Variants in BCAS1 observed in about 807,000 individuals in gnomAD.
BCAS1 encodes the protein breast carcinoma-amplified sequence 1.
In BCAS1, 46 loss-of-function variants were observed where a neutral mutation model predicts 65.4. The ratio of observed to expected loss-of-function variants is 0.70; its 90% CI spans 0.55 to 0.90. The LOEUF (loss-of-function observed/expected upper bound fraction) is 0.90. Ranked by LOEUF, BCAS1 falls within the 40% of genes least tolerant of loss-of-function variation. The pLI, the probability that BCAS1 is intolerant of heterozygous loss-of-function variation, is 0.00. For missense variants in BCAS1, 793 were observed against 771.2 expected, an observed-to-expected ratio of 1.03 and a Z score of -0.33; for synonymous variants, 298 against 293.5, an observed-to-expected ratio of 1.02 and a Z score of -0.16.
At chr20:54,042,866 G>T (rs1309513020) in intron 3 of BCAS1, among the ~76,000 whole-genome samples, 2 of 152,270 alleles carry the variant, frequency 1.3e-5, no homozygotes, top group Non-Finnish European at 1.5e-5. Flanking sequence ...TGGCCCAGCA[G>T]CGAGGCAGGT....
rs533929325 is a variant in BCAS1 at position 53,953,436 on chromosome 20, C to A, written c.1811G>T (p.Gly604Val). Residue 604 changes from glycine (G) to valine (V), a missense_variant, in exon 12 of 13, where the codon GGC becomes GTC. By Grantham distance (109) the Gly-to-Val change is moderately radical (BLOSUM62 -3). Transcript: ENST00000688948. ...AGGCAAAAAAAATCCACCTACCAGGCCTTTAAAGAAGCCCCCAAGGGACTG... is the reference window on the plus strand; with the variant it reads ...AGGCAAAAAAAATCCACCTACCAGGACTTTAAAGAAGCCCCCAAGGGACTG... ...RQQSLGGFFKGLGPKRMLDAQ... is the reference protein window; with the variant it reads ...RQQSLGGFFKVLGPKRMLDAQ... 1.9e-6 allele frequency: 3 copies of A among 1,613,872 alleles called. No homozygotes were observed. In the South Asian group the frequency reaches 3.3e-5, roughly 18 times the overall value.
intron 4 of BCAS1, among the ~76,000 whole-genome samples, chr20:54,006,510 G>A (rs960121698): frequency 6.6e-6 from 1 of 152,132 alleles, no homozygotes; most frequent in Non-Finnish European, 1.5e-5. Flanking sequence ...AGGTGTTCAA[G>A]ACCAGCCTGG....
At chr20:53,965,256 C>T (rs2038115173) in intron 10 of BCAS1, among the ~76,000 whole-genome samples, 1 of 152,140 alleles carries the variant, frequency 6.6e-6, no homozygotes, top group African/African-American at 2.4e-5. Flanking sequence ...TCTAATATGC[C>T]TCAGTTCCCA....
At chr20:53,957,875 G>A (rs1413485782) in intron 10 of BCAS1, among the ~76,000 whole-genome samples, 2 of 144,466 alleles carry the variant, frequency 1.4e-5, no homozygotes, top group African/African-American at 5.2e-5. Context: ...GGCTGTGGGT[G>A]TTTTATTGTT....
intron 3 of BCAS1, among the ~76,000 whole-genome samples, chr20:54,042,016 T>A (rs2088406269): frequency 6.6e-6 from 1 of 151,606 alleles, no homozygotes; most frequent in African/African-American, 2.4e-5. Flanking sequence ...ATACTTAAAA[T>A]TTCACAAACA....
rs1468581618 is a variant in BCAS1 at position 53,985,387 on chromosome 20, C to G, written c.1175G>C (p.Gly392Ala). The change falls in exon 8 of 13, where the codon GGG becomes GCG. Residue 392 changes from glycine (G) to alanine (A), a missense_variant. Gly to Ala is a moderately conservative substitution (Grantham distance 60, BLOSUM62 0). Transcript: ENST00000688948. ...GKNSKGCNPSGHTQSVTTPEP... is the reference protein window; with the variant it reads ...GKNSKGCNPSAHTQSVTTPEP... The stretch of plus-strand genomic sequence containing the variant: ...AGGGGTTGTCACGGACTGTGTGTGC[C>G]CCGATGGGTTGCATCCTTTGGAATT... The G allele has an allele frequency of 1.2e-6, 2 of 1,614,022 alleles. No individual in the cohort carries two copies. The highest frequency in any genetic ancestry group is 1.7e-6 in the Non-Finnish European group (2 of 1,179,968).
At chr20:53,975,561 C>T in intron 8 of BCAS1, 131 bp from the exon 9 acceptor site, 1 of 491,758 alleles carries the variant, frequency 2.0e-6, no homozygotes, top group Non-Finnish European at 3.7e-6. Flanking sequence ...CTAGGTACAC[C>T]TCCTTCTAAA....
At chr20:53,997,787 T>G (rs906028737) in intron 4 of BCAS1, among the ~76,000 whole-genome samples, 3 of 152,066 alleles carry the variant, frequency 2.0e-5, no homozygotes, top group Non-Finnish European at 2.9e-5. Flanking sequence ...GGCAGGTTGG[T>G]GCATGTGGTT....
chr20:54,044,567 G>A (rs558347198), intron 3 of BCAS1, among the ~76,000 whole-genome samples: 2 of 152,170 alleles, frequency 1.3e-5, no homozygotes, highest in Non-Finnish European at 2.9e-5. Context: ...GCCGGGCGCG[G>A]TGGCTCATGC....
At chr20:53,945,390 T>C in intron 12 of BCAS1, among the ~76,000 whole-genome samples, 1 of 141,622 alleles carries the variant, frequency 7.1e-6, no homozygotes, top group East Asian at 2.1e-4. Flanking sequence ...TTCACCACCC[T>C]GTTTTATTTT....
intron 3 of BCAS1, among the ~76,000 whole-genome samples, chr20:54,055,450 G>T (rs188622027): frequency 1.2e-3 from 177 of 152,108 alleles, no homozygotes; most frequent in Admixed American, 2.2e-3. Context: ...GGAAACCTCC[G>T]ATAAAACCAT....
chr20:53,987,416 T>C (rs119071), intron 7 of BCAS1, among the ~76,000 whole-genome samples: 111,218 of 152,210 alleles, frequency 0.73, 41,015 homozygotes, highest in East Asian at 0.94. Flanking sequence ...CGCTCTTGAG[T>C]ACCTGGTGCT....
chr20:54,028,920 CT>C lies in BCAS1; in HGVS notation c.194del (p.Glu65GlyfsTer5). 1 of 1,614,004 alleles carries C rather than the reference CT, an allele frequency of 6.2e-7. No homozygotes were observed. Among genetic ancestry groups the C allele is most frequent in the South Asian group, 1.1e-5 (1 of 91,078 alleles). ...CCGCAACAGCACTTATCTCCGTTGT[CT>C]CGGGGGAAGAAGTGGCCACATTATC... Reference protein sequence around the residue: ...KTDNVATSSPETTEISAVADA... With the variant: ...KTDNVATSSPXTTEISAVADA... On this transcript the variant is annotated frameshift_variant, in exon 4 of 13. Coordinates refer to ENST00000688948, the MANE Select transcript of BCAS1 (RefSeq NM_001366298.2). LOFTEE classifies it high-confidence loss of function.
intron 4 of BCAS1, among the ~76,000 whole-genome samples, chr20:54,010,458 C>A (rs1435840276): frequency 6.6e-6 from 1 of 151,996 alleles, no homozygotes; most frequent in Non-Finnish European, 1.5e-5. Flanking sequence ...AGGAATGAAC[C>A]CATGGGCACT....
intron 12 of BCAS1, among the ~76,000 whole-genome samples, chr20:53,951,616 T>C (rs2089528152): frequency 1.3e-5 from 2 of 152,236 alleles, no homozygotes; most frequent in Non-Finnish European, 2.9e-5. Context: ...GCATCCCAAG[T>C]TGGACCCCAA....
At chr20:54,018,654 T>A (rs2091493062) in intron 4 of BCAS1, among the ~76,000 whole-genome samples, 1 of 151,798 alleles carries the variant, frequency 6.6e-6, no homozygotes, top group South Asian at 2.1e-4. Context: ...CTTTTATATA[T>A]TGCTTAACAC....
rs2089262617 is a variant in BCAS1, at chr20:53,944,972, G to C, written c.1840C>G (p.Gln614Glu). 6.2e-7 allele frequency: 1 copy of C among 1,614,118 alleles called. No homozygotes were observed. ...ATGGATACTGGGTCTGTTTGCACTT[G>C]AGCATCCAACATCCGCTTTGGTCCC... is the stretch of plus-strand genomic sequence containing the variant. ...GLGPKRMLDA[Q>E]VQTDPVSIGP... The change falls in exon 13 of 13, where the codon CAA (glutamine) becomes GAA (glutamate). Residue 614 changes from glutamine to glutamate, a missense_variant. Transcript: ENST00000688948.
intron 4 of BCAS1, among the ~76,000 whole-genome samples, chr20:54,002,827 T>C (rs2091090690): frequency 6.6e-6 from 1 of 152,194 alleles, no homozygotes; most frequent in African/African-American, 2.4e-5. Context: ...AAACAAGAAT[T>C]GAAGCTCATT....
At position 54,028,401 on chromosome 20, in the gene BCAS1, A is replaced by T. The variant is rs2091723642; in HGVS notation, c.714T>A (p.Pro238=). The part of the protein sequence containing the change: ...PGLSGQSDDV[P]AGKDIVDGKE... The stretch of plus-strand genomic sequence containing the variant: ...ACCTTGGCACACTTACCTTCCCTGC[A>T]GGGACATCATCGGACTGCCCTGATA... Residue 238 remains proline (P), a synonymous_variant, in exon 4 of 13, where the codon CCT becomes CCA. Transcript: ENST00000688948. 1 of 1,614,106 alleles carries T rather than the reference A, an allele frequency of 6.2e-7. No individual in the cohort carries two copies. The highest frequency in any genetic ancestry group is 8.5e-7 in the Non-Finnish European group (1 of 1,180,032).
Sources: gnomAD v4.1 joint callset for allele counts (sites outside exome capture counted in the v4.1 genomes callset) on GRCh38, gnomAD v4.1.1 for gene constraint, MANE v1.5 for transcripts, NCBI Gene and HGNC (gene_info 2026-07-23, HGNC 2026-07-21) for gene names.